IFIH1: variants seen among roughly 807,000 people sequenced by gnomAD.
The protein encoded by IFIH1 is interferon induced with helicase C domain 1.
In IFIH1, 125 loss-of-function variants were observed where a neutral mutation model predicts 107.4. The ratio of observed to expected loss-of-function variants is 1.16; its 90% CI spans 1.01 to 1.35. IFIH1 has a LOEUF of 1.35. IFIH1 is among the 40% of genes most tolerant of loss of function. The pLI is 0.00. For missense variants in IFIH1, 1,333 were observed against 1,213.7 expected, an observed-to-expected ratio of 1.10 and a Z score of -1.46; for synonymous variants, 458 against 413.2, an observed-to-expected ratio of 1.11 and a Z score of -1.31.
At chr2:162,315,593 G>A (rs1251616614) in intron 1 of IFIH1, among the ~76,000 whole-genome samples, 1 of 152,146 alleles carries the variant, frequency 6.6e-6, no homozygotes, top group Non-Finnish European at 1.5e-5. Context: ...AATACTGTGA[G>A]AAATTTTATG....
At chr2:162,282,283 C>T (rs1682823732) in intron 6 of IFIH1, 83 bp downstream of exon 6, 1 of 844,636 alleles carries the variant, frequency 1.2e-6, no homozygotes. Flanking sequence ...AAGCCACGAA[C>T]ATTTAAAAAA....
At chr2:162,296,219 G>A (rs960177963) in intron 3 of IFIH1, among the ~76,000 whole-genome samples, 1 of 151,994 alleles carries the variant, frequency 6.6e-6, no homozygotes, top group Admixed American at 6.6e-5. Flanking sequence ...TTTTGGGAGG[G>A]AGCTATTTAT....
chr2:162,277,432 A>G lies in IFIH1; in HGVS notation c.2027T>C (p.Leu676Pro). The G allele has an allele frequency of 6.2e-7, 1 of 1,608,644 alleles. No homozygotes were observed. Among genetic ancestry groups the G allele is most frequent in the South Asian group, 1.1e-5 (1 of 90,600 alleles). Residue 676 changes from leucine (L) to proline (P), a missense_variant, in exon 10 of 16, where the codon CTC becomes CCC. By Grantham distance (98) the Leu-to-Pro change is moderately conservative. Transcript: ENST00000649979. ...AATCTTACCAAAAAATAAAGTCATG[A>G]GAAATCTATCTGTTTCATCCAGTTT... ...PLKLDETDRF[L>P]MTLFFENNKM...
At position 162,299,017 on chromosome 2, in the gene IFIH1, A is replaced by C. The variant is rs550536646; in HGVS notation, c.770-5349T>G. 5.3e-5 allele frequency among the ~76,000 whole-genome samples: 8 copies of C among 152,292 alleles called. No homozygotes were observed. The East Asian group carries it at 9.7e-4, about 18-fold the overall frequency. Reference sequence around the variant, plus strand: ...GAGCTCCTCTGCTCCTGTTTATAGAATTTCTACTGCTGAAATGTTTCTAAC... The same window carrying C: ...GAGCTCCTCTGCTCCTGTTTATAGACTTTCTACTGCTGAAATGTTTCTAAC... On this transcript the variant is annotated intron_variant, in intron 3 of 15. Transcript: ENST00000649979.
At chr2:162,288,852 G>T (rs6718470) in intron 4 of IFIH1, among the ~76,000 whole-genome samples, 19,037 of 150,112 alleles carry the variant, frequency 0.13, 2,785 homozygotes, top group African/African-American at 0.33. Flanking sequence ...TGCAAAGAAG[G>T]TATTATGGCT....
rs569910397 is a variant in IFIH1, at chr2:162,310,564, G to A, written c.622+201C>T. The A allele has an allele frequency of 1.8e-4, 105 of 571,994 alleles. 1 individual carries two copies. In the East Asian group the frequency reaches 3.0e-3, roughly 16 times the overall value. The allele number at this position is 571,994 out of a possible 1,614,324, so 35.4% of individuals were successfully genotyped here. A position where few individuals can be genotyped will look rare whatever the true frequency, so the allele number is the denominator to read the frequency against. On this transcript the variant is annotated intron_variant, in intron 2 of 15. Transcript: ENST00000649979. The stretch of plus-strand genomic sequence containing the variant: ...AAGAGTGTTGGTTGGATGAAAAATG[G>A]TCTTTGATCAGTTGATATTTTCCCA...
At position 162,277,571 on chromosome 2, in the gene IFIH1, A is replaced by G. The variant is rs199818504; in HGVS notation, c.1888T>C (p.Tyr630His). The G allele has an allele frequency of 6.2e-7, 1 of 1,610,512 alleles. No individual in the cohort carries two copies. The highest frequency in any genetic ancestry group is 1.7e-5 in the Admixed American group (1 of 59,890). ...IDAYTHLETFYNEEKDKKFAV... is the reference protein window; with the variant it reads ...IDAYTHLETFHNEEKDKKFAV... Reference sequence around the variant, plus strand: ...AACTTCTTATCTTTCTCTTCATTATAGAAAGTTTCAAGATGAGTATACGCA... The same window carrying G: ...AACTTCTTATCTTTCTCTTCATTATGGAAAGTTTCAAGATGAGTATACGCA... The change falls in exon 10 of 16, where the codon TAT becomes CAT. Residue 630 changes from tyrosine (Y) to histidine (H), a missense_variant. Coordinates refer to ENST00000649979, the MANE Select transcript of IFIH1 (RefSeq NM_022168.4).
chr2:162,280,752 C>T (rs1302365432), intron 7 of IFIH1, among the ~76,000 whole-genome samples: 1 of 151,968 alleles, frequency 6.6e-6, no homozygotes, highest in Non-Finnish European at 1.5e-5. Context: ...AATTCAAATG[C>T]AATTGCCTTG....
intron 1 of IFIH1, among the ~76,000 whole-genome samples, chr2:162,317,051 G>GTGTC (rs57682372): frequency 2.0e-5 from 3 of 150,832 alleles, no homozygotes; most frequent in Admixed American, 2.0e-4. Context: ...GTGTGTGTGT[G>GTGTC]ATTGCAATTT....
In IFIH1 at chr2:162,271,940, A is replaced by G. The variant is rs192075632; in HGVS notation, c.2616+286T>C. On this transcript the variant is annotated intron_variant, in intron 13 of 15. Coordinates refer to ENST00000649979, the MANE Select transcript of IFIH1 (RefSeq NM_022168.4). ...GATCAAACCAAAATTACCATGTTGG[A>G]TTGAATCAGTGAGTTGCAGCAGTCT... Among the ~76,000 whole-genome samples the G allele has an allele frequency of 4.3e-3, 656 of 152,294 alleles. 6 individuals are homozygous for G. The highest frequency in any genetic ancestry group is 0.015 in the African/African-American group (632 of 41,560).
Position 162,288,375 on chromosome 2 carries a change from A to G in IFIH1, c.875-20T>C, listed in dbSNP as rs781033412. The G allele has an allele frequency of 7.0e-6, 11 of 1,580,196 alleles. No individual in the cohort carries two copies. Among genetic ancestry groups the G allele is most frequent in the Non-Finnish European group, 8.7e-6 (10 of 1,150,814 alleles). ...CTTCATCTGAAGAAGGTTGAAAAGA[A>G]AAATAAGAGAAGGGACAACAAAATA... On this transcript the variant is annotated intron_variant, in intron 4 of 15. Transcript: ENST00000649979.
chr2:162,306,739 A>G lies in IFIH1; in HGVS notation c.739T>C (p.Ser247Pro), dbSNP rs1174016564. The change falls in exon 3 of 16, where the codon TCA (serine) becomes CCA (proline). Residue 247 changes from serine (S) to proline (P), a missense_variant. Ser to Pro is a moderately conservative substitution (Grantham distance 74). Coordinates refer to ENST00000649979, the MANE Select transcript of IFIH1 (RefSeq NM_022168.4). Reference protein sequence around the residue: ...VWGMENNSSESSFADSSVVSE... With the variant: ...VWGMENNSSEPSFADSSVVSE... ...ACTACAGAAGAATCTGCAAAAGATG[A>G]TTCTGATGAGTTATTCTCCATGCCC... 1.2e-6 allele frequency: 2 copies of G among 1,613,936 alleles called. No individual in the cohort carries two copies. Among genetic ancestry groups the G allele is most frequent in the Admixed American group, 1.7e-5 (1 of 60,018 alleles).
chr2:162,300,541 A>G (rs1266484967), intron 3 of IFIH1, among the ~76,000 whole-genome samples: 1 of 152,204 alleles, frequency 6.6e-6, no homozygotes, highest in Non-Finnish European at 1.5e-5. Context: ...CAAATAAAAT[A>G]CAAACTTACA....
intron 3 of IFIH1, among the ~76,000 whole-genome samples, chr2:162,301,634 GCAGA>G (rs1476232325): frequency 2.6e-5 from 4 of 152,190 alleles, no homozygotes; most frequent in Non-Finnish European, 4.4e-5. Context: ...AGCAGCAGTA[GCAGA>G]CAAAGACTGA....
At chr2:162,291,847 C>A (rs966760314) in intron 4 of IFIH1, among the ~76,000 whole-genome samples, 2 of 151,824 alleles carry the variant, frequency 1.3e-5, no homozygotes, top group African/African-American at 2.4e-5. Context: ...TTTACCATTT[C>A]GGAAATTGAC....
chr2:162,277,782 C>A, intron 9 of IFIH1, 89 bp from the exon 10 acceptor site: 2 of 1,442,612 alleles, frequency 1.4e-6, no homozygotes, highest in Non-Finnish European at 1.8e-6. Flanking sequence ...TTACTAACTG[C>A]AAAACTGGCT....
At chr2:162,271,379 T>C (rs1691035025) in intron 13 of IFIH1, among the ~76,000 whole-genome samples, 1 of 148,036 alleles carries the variant, frequency 6.8e-6, no homozygotes, top group East Asian at 2.0e-4. Flanking sequence ...ACCCCGCATG[T>C]TCTCACTCAT....
intron 13 of IFIH1, among the ~76,000 whole-genome samples, chr2:162,269,208 A>G (rs1214646481): frequency 1.3e-5 from 2 of 152,202 alleles, no homozygotes; most frequent in African/African-American, 2.4e-5. Flanking sequence ...TGACATGTAA[A>G]AAGCTGTTGA....
In IFIH1 at chr2:162,272,294, G is replaced by T. The variant is rs750804689; in HGVS notation, c.2548C>A (p.Arg850=). The part of the protein sequence containing the change: ...VIEHETVNDF[R]EKMMYKAIHC... Reference sequence around the variant, plus strand: ...ATAGCTTTATACATCATCTTCTCTCGGAAATCATTAACTGTCTCATGTTCG... The same window carrying T: ...ATAGCTTTATACATCATCTTCTCTCTGAAATCATTAACTGTCTCATGTTCG... The change falls in exon 13 of 16, where the codon CGA becomes AGA. Residue 850 remains arginine, a synonymous_variant. Transcript: ENST00000649979. 1 of 1,612,648 alleles carries T rather than the reference G, an allele frequency of 6.2e-7. No homozygotes were observed. Among genetic ancestry groups the T allele is most frequent in the Non-Finnish European group, 8.5e-7 (1 of 1,179,182 alleles).
Sources: gnomAD v4.1 joint callset for allele counts (sites outside exome capture counted in the v4.1 genomes callset) on GRCh38, gnomAD v4.1.1 for gene constraint, MANE v1.5 for transcripts, NCBI Gene and HGNC (gene_info 2026-07-23, HGNC 2026-07-21) for gene names.